The following ABCF1 variants were observed in gnomAD, a reference collection of about 807,000 sequenced individuals.
The protein encoded by ABCF1 is ATP-binding cassette sub-family F member 1.
Under a neutral mutation model 126.3 loss-of-function variants are expected in ABCF1, and 73 were observed. The ratio of observed to expected loss-of-function variants is 0.58; its 90% CI spans 0.48 to 0.70. ABCF1 has a LOEUF of 0.70. ABCF1 is among the 30% of genes least tolerant of loss of function. The pLI is 0.00. For synonymous variants in ABCF1, 345 were observed against 396.4 expected, an observed-to-expected ratio of 0.87 and a Z score of 1.54; for missense variants, 786 against 1,057.5, an observed-to-expected ratio of 0.74 and a Z score of 3.56.
At chr6:30,587,930 A>C (rs763455264) in intron 20 of ABCF1, among the ~76,000 whole-genome samples, 2 of 150,276 alleles carry the variant, frequency 1.3e-5, no homozygotes, top group Non-Finnish European at 1.5e-5. Flanking sequence ...TTTGAGACGG[A>C]GTCTCACTGT....
intron 15 of ABCF1, 36 bp from the exon 16 acceptor site, chr6:30,585,519 GACC>G: frequency 1.2e-6 from 2 of 1,611,802 alleles, no homozygotes; most frequent in Non-Finnish European, 1.7e-6. Context: ...TCTCTCACTT[GACC>G]ACTGTGACAC....
Position 30,583,723 on chromosome 6 carries a change from G to C in ABCF1, c.1016+15G>C. 6.2e-7 allele frequency: 1 copy of C among 1,613,952 alleles called. No homozygotes were observed. Among genetic ancestry groups the C allele is most frequent in the Non-Finnish European group, 8.5e-7 (1 of 1,179,860 alleles). On this transcript the variant is annotated intron_variant, in intron 11 of 24. Transcript: ENST00000326195. This position sits in a 1 kb window ranked among gnomAD's most constrained non-coding sequence, Gnocchi z 4.1. Reference sequence around the variant, plus strand: ...GGACCCAATGGGTGAGAAGAGGAGGGAGCTGGAGGCAAAAAAGGGCCTGGA... The same window carrying C: ...GGACCCAATGGGTGAGAAGAGGAGGCAGCTGGAGGCAAAAAAGGGCCTGGA...
intron 8 of ABCF1, among the ~76,000 whole-genome samples, chr6:30,581,457 G>A (rs1801813204): frequency 7.2e-6 from 1 of 139,352 alleles, no homozygotes; most frequent in Non-Finnish European, 1.5e-5. Context: ...AGGCTGGAGT[G>A]CGGTGGCGCA....
chr6:30,586,362 C>T lies in ABCF1; in HGVS notation c.1885+57C>T. On this transcript the variant is annotated intron_variant, in intron 18 of 24. Coordinates refer to ENST00000326195, the MANE Select transcript of ABCF1 (RefSeq NM_001025091.2). This position sits in a 1 kb window ranked among gnomAD's most constrained non-coding sequence, Gnocchi z 4.9. ...GAAGCACCGGAAGCATGTATGTGCA[C>T]CCTAAATTCTCCACCAAGGCTGAGA... 6.2e-7 allele frequency: 1 copy of T among 1,602,394 alleles called. No individual in the cohort carries two copies. Among genetic ancestry groups the T allele is most frequent in the Non-Finnish European group, 8.5e-7 (1 of 1,173,272 alleles).
In ABCF1 at chr6:30,589,789, C is replaced by T. The variant is rs4148248; in HGVS notation, c.2065-17C>T. ...AAGTGTGACTTTAACCGACCACCTC[C>T]CTCTCTTCTCGGGCAGAAAATTGGC... On this transcript the variant is annotated splice_polypyrimidine_tract_variant and intron_variant, in intron 21 of 24. Coordinates refer to ENST00000326195, the MANE Select transcript of ABCF1 (RefSeq NM_001025091.2). 2,697 of 1,614,106 alleles carry T rather than the reference C, an allele frequency of 1.7e-3. 82 individuals are homozygous for T. In the East Asian group the frequency reaches 0.042, roughly 25 times the overall value.
At chr6:30,581,605 A>G (rs958050040) in intron 8 of ABCF1, among the ~76,000 whole-genome samples, 3 of 151,672 alleles carry the variant, frequency 2.0e-5, no homozygotes, top group Non-Finnish European at 4.4e-5. Flanking sequence ...GGATTTCACC[A>G]TGTTAGCCAG....
chr6:30,587,839 G>A (rs1465890459), intron 20 of ABCF1, among the ~76,000 whole-genome samples: 1 of 134,610 alleles, frequency 7.4e-6, no homozygotes, highest in Non-Finnish European at 1.6e-5. Flanking sequence ...ACAGAGTGAG[G>A]CTCTGTCAAA....
chr6:30,589,380 A>C, intron 20 of ABCF1: 1 of 416,896 alleles, frequency 2.4e-6, no homozygotes, highest in Non-Finnish European at 4.3e-6. Flanking sequence ...AAGTTGGTGT[A>C]TGGACGAGGT....
rs146879289 is a variant in ABCF1, at chr6:30,590,364, A to G, written c.2357A>G (p.Asn786Ser). Residue 786 changes from asparagine (N) to serine (S), a missense_variant, in exon 24 of 25, where the codon AAT (asparagine) becomes AGT (serine). Asn to Ser is a conservative substitution (Grantham distance 46, BLOSUM62 1). Around this residue, in one of 4 missense-constraint regions of ABCF1, gnomAD observed 288 missense variants for 423.5 expected, o/e 0.68. Transcript: ENST00000326195. ...ATTGATGCTCTAGGGGAGGCCATCAATGAATACAAGGGTGGTAAGTCAGCT... is the reference window on the plus strand; with the variant it reads ...ATTGATGCTCTAGGGGAGGCCATCAGTGAATACAAGGGTGGTAAGTCAGCT... ...ESIDALGEAINEYKGAVIVVS... is the reference protein window; with the variant it reads ...ESIDALGEAISEYKGAVIVVS... 5.0e-6 allele frequency: 8 copies of G among 1,610,554 alleles called. No homozygotes were observed. Among genetic ancestry groups the G allele is most frequent in the East Asian group, 2.2e-5 (1 of 44,862 alleles).
rs149524385 is a variant in ABCF1 at position 30,590,162 on chromosome 6, G to A, written c.2247G>A (p.Ala749=). 2.2e-4 allele frequency: 362 copies of A among 1,613,068 alleles called. 3 individuals carry two copies. In the Middle Eastern group the frequency reaches 4.5e-3, roughly 20 times the overall value. ...CCTTTGCTACAGGTGGTCAGAAGGC[G>A]CGAGTTGTGTTTGCTGAGCTGGCCT... is the stretch of plus-strand genomic sequence containing the variant. ...QICKLSGGQK[A]RVVFAELACR... is the part of the protein sequence containing the mutation. The change falls in exon 23 of 25, where the codon GCG becomes GCA. Residue 749 remains alanine (A), a synonymous_variant. Coordinates refer to ENST00000326195, the MANE Select transcript of ABCF1 (RefSeq NM_001025091.2).
intron 1 of ABCF1, 105 bp downstream of exon 1, chr6:30,571,665 G>C: frequency 8.1e-7 from 1 of 1,236,056 alleles, no homozygotes; most frequent in African/African-American, 1.5e-5. Context: ...GGGCCCCTGC[G>C]GGAGTTACTG....
chr6:30,571,592 GA>G (rs745728667), intron 1 of ABCF1, 32 bp downstream of exon 1: 39 of 1,598,338 alleles, frequency 2.4e-5, no homozygotes, highest in Admixed American at 8.6e-5. Flanking sequence ...GAAACGAGCA[GA>G]GGGGGAAGAG....
chr6:30,580,220 G>A (rs557726409), intron 7 of ABCF1, among the ~76,000 whole-genome samples, 186 bp from the exon 8 acceptor site: 5 of 151,966 alleles, frequency 3.3e-5, no homozygotes, highest in Admixed American at 6.6e-5. Context: ...GGTGGCGGGC[G>A]CCTGTAGTCC....
rs1801872609 is a variant in ABCF1 at position 30,582,435 on chromosome 6, A to G, written c.720A>G (p.Glu240=). 1 of 1,612,526 alleles carries G rather than the reference A, an allele frequency of 6.2e-7. No individual in the cohort carries two copies. Among genetic ancestry groups the G allele is most frequent in the Non-Finnish European group, 8.5e-7 (1 of 1,179,694 alleles). ...GAGAAGGGGAAGAAGAGGAGGAGGA[A>G]GGAGGAGAGTCTAAGGCAGATGATC... ...EEGEGEEEEE[E]GGESKADDPY... is the part of the protein sequence containing the mutation. The change falls in exon 9 of 25, where the codon GAA becomes GAG. Residue 240 remains glutamate (E), a synonymous_variant. Transcript: ENST00000326195.
rs1437353361 is a variant in ABCF1, at chr6:30,580,048, T to A, written c.564+43T>A. 1.9e-6 allele frequency: 3 copies of A among 1,595,138 alleles called. No individual in the cohort carries two copies. In the African/African-American group the frequency reaches 4.0e-5, roughly 21 times the overall value. On this transcript the variant is annotated intron_variant, in intron 7 of 24. Coordinates refer to ENST00000326195, the MANE Select transcript of ABCF1 (RefSeq NM_001025091.2). ...AGGAGGAGGTATTGGGGCCCAGGAA[T>A]TAAAACATTTCATCAGGGCTGGGCG...
Position 30,585,269 on chromosome 6 carries a change from C to G in ABCF1, c.1401C>G (p.Phe467Leu), listed in dbSNP as rs777892705. The G allele has an allele frequency of 6.2e-7, 1 of 1,613,258 alleles. No individual in the cohort carries two copies. The highest frequency in any genetic ancestry group is 2.2e-5 in the East Asian group (1 of 44,886). ...RMRVSLARAL[F>L]MEPTLLMLDE... ...GCTACCCACCCTCTAGGGCACTGTT[C>G]ATGGAGCCCACACTGCTGATGCTGG... The change falls in exon 15 of 25, where the codon TTC becomes TTG. Residue 467 changes from phenylalanine to leucine, a missense_variant. Phe to Leu is a conservative substitution (Grantham distance 22). Transcript: ENST00000326195.
rs1460322724 is a variant in ABCF1 at position 30,578,348 on chromosome 6, T to C, written c.344T>C (p.Val115Ala). The change falls in exon 5 of 25, where the codon GTA becomes GCA. Residue 115 changes from valine (V) to alanine (A), a missense_variant and splice_region_variant. By Grantham distance (64) the Val-to-Ala change is moderately conservative. Around this residue, in one of 4 missense-constraint regions of ABCF1, gnomAD observed 322 missense variants for 322.9 expected, o/e 1.00. Coordinates refer to ENST00000326195, the MANE Select transcript of ABCF1 (RefSeq NM_001025091.2). Reference protein sequence around the residue: ...SVPTSDEEDEVPAPKPRGGKK... With the variant: ...SVPTSDEEDEAPAPKPRGGKK... ...TCATGTTCTCCCCCTGTCATTTCAG[T>C]ACCCGCCCCAAAACCCCGCGGAGGG... 1 of 1,613,972 alleles carries C rather than the reference T, an allele frequency of 6.2e-7. No homozygotes were observed. Among genetic ancestry groups the C allele is most frequent in the African/African-American group, 1.3e-5 (1 of 74,888 alleles).
chr6:30,583,504 G>A lies in ABCF1; in HGVS notation c.916-104G>A. On this transcript the variant is annotated intron_variant, in intron 10 of 24. Transcript: ENST00000326195. The surrounding 1 kb of genome is among the most constrained non-coding windows in gnomAD (Gnocchi z 4.1). ...GGGATTATGCTGGAGGTAGCGGTTT[G>A]TCAGAGGCTTCCCTGCAGGGAGAAA... is the stretch of plus-strand genomic sequence containing the variant. 1 of 1,249,422 alleles carries A rather than the reference G, an allele frequency of 8.0e-7. No homozygotes were observed. Among genetic ancestry groups the A allele is most frequent in the Non-Finnish European group, 1.2e-6 (1 of 864,394 alleles). 77.4% of individuals were successfully genotyped at this position (1,249,422 alleles called of 1,614,324 possible). A position where few individuals can be genotyped will look rare whatever the true frequency, so the allele number is the denominator to read the frequency against.
intron 3 of ABCF1, 48 bp from the exon 4 acceptor site, chr6:30,578,028 A>G: frequency 6.2e-7 from 1 of 1,613,968 alleles, no homozygotes; most frequent in Non-Finnish European, 8.5e-7. Context: ...GCAGAAATAC[A>G]GCAGGGGCCT....
Sources: allele counts gnomAD v4.1 joint callset (sites outside exome capture counted in the v4.1 genomes callset), GRCh38; gene constraint gnomAD v4.1.1; regional missense constraint gnomAD v4.1.1; non-coding constraint Gnocchi (gnomAD v3.1); transcripts MANE v1.5; gene names NCBI Gene and HGNC (gene_info 2026-07-23, HGNC 2026-07-21).